Variants in DAPK2 observed in about 807,000 individuals in gnomAD.
The protein encoded by DAPK2 is death associated protein kinase 2, also known as death-associated protein kinase 2.
A neutral mutation model predicts 44.1 loss-of-function variants in DAPK2; 35 were observed. That is an observed-to-expected ratio of 0.79 (90% CI 0.61 to 1.05). The LOEUF (loss-of-function observed/expected upper bound fraction) is 1.05. Ranked by LOEUF, DAPK2 falls within the 50% of genes least tolerant of loss-of-function variation. The pLI is 0.00. For missense variants in DAPK2, 453 were observed against 483.2 expected, an observed-to-expected ratio of 0.94 and a Z score of 0.59; for synonymous variants, 174 against 182.6, an observed-to-expected ratio of 0.95 and a Z score of 0.38.
At chr15:64,028,529 A>G (rs2079918612) in intron 1 of DAPK2, among the ~76,000 whole-genome samples, 1 of 152,210 alleles carries the variant, frequency 6.6e-6, no homozygotes, top group Non-Finnish European at 1.5e-5. Context: ...AAGAACACTA[A>G]TAAGAAAATT....
intron 3 of DAPK2, among the ~76,000 whole-genome samples, chr15:63,964,519 A>G (rs1374733843): frequency 6.6e-6 from 1 of 151,986 alleles, no homozygotes; most frequent in Non-Finnish European, 1.5e-5. Flanking sequence ...AAGTTCTGTT[A>G]TTATCCCTTT....
chr15:63,991,585 GC>G (rs34891390), intron 1 of DAPK2, among the ~76,000 whole-genome samples: 56,608 of 151,670 alleles, frequency 0.37, 11,273 homozygotes, highest in Non-Finnish European at 0.45. Flanking sequence ...GGCATCCAGA[GC>G]CCACCCACTG....
intron 2 of DAPK2, among the ~76,000 whole-genome samples, chr15:63,981,705 T>A (rs1205881708): frequency 6.6e-6 from 1 of 152,000 alleles, no homozygotes; most frequent in African/African-American, 2.4e-5. Flanking sequence ...TGGCTCGGCC[T>A]TTCCAGAAAG....
At chr15:63,959,114 C>A (rs1172017778) in intron 3 of DAPK2, among the ~76,000 whole-genome samples, 4 of 152,166 alleles carry the variant, frequency 2.6e-5, no homozygotes, top group Non-Finnish European at 5.9e-5. Context: ...CTCTTTGAAG[C>A]AATTGTGAAT....
chr15:64,022,609 A>G (rs1234869520), intron 1 of DAPK2, among the ~76,000 whole-genome samples: 1 of 152,180 alleles, frequency 6.6e-6, no homozygotes, highest in Non-Finnish European at 1.5e-5. Flanking sequence ...CGAGCCCGGA[A>G]GGTTAAGACC....
intron 1 of DAPK2, among the ~76,000 whole-genome samples, chr15:64,000,652 G>A (rs915984070): frequency 2.0e-5 from 3 of 152,162 alleles, no homozygotes; most frequent in Non-Finnish European, 2.9e-5. Context: ...AATGGAAGAA[G>A]GCATGATGCT....
chr15:63,923,394 C>A lies in DAPK2; in HGVS notation c.858+1422G>T. On this transcript the variant is annotated intron_variant, in intron 8 of 10. Transcript: ENST00000261891. The surrounding 1 kb of genome is among the most constrained non-coding windows in gnomAD (Gnocchi z 4.2). ...CAGAGTGTTAATTTGCCGCCCACCCCAGAGGGCAGTCCAAAGGGTAGGCAG... is the reference window on the plus strand; with the variant it reads ...CAGAGTGTTAATTTGCCGCCCACCCAAGAGGGCAGTCCAAAGGGTAGGCAG... 6.6e-7 allele frequency: 1 copy of A among 1,510,022 alleles called. No individual in the cohort carries two copies. 93.5% of individuals were successfully genotyped at this position (1,510,022 alleles called of 1,614,324 possible).
At chr15:63,981,245 G>A (rs189737449) in intron 2 of DAPK2, among the ~76,000 whole-genome samples, 11 of 152,266 alleles carry the variant, frequency 7.2e-5, no homozygotes, top group East Asian at 3.9e-4. Flanking sequence ...CCCCCTCACC[G>A]TGTGATGCAC....
chr15:63,933,165 T>C (rs966219080), intron 4 of DAPK2, among the ~76,000 whole-genome samples: 27 of 152,234 alleles, frequency 1.8e-4, no homozygotes, highest in Admixed American at 1.6e-3. Context: ...ATTTGGACTA[T>C]GCATTTAGAG....
rs2078462468 is a variant in DAPK2, at chr15:63,980,161, C to T, written c.314+3372G>A. On this transcript the variant is annotated intron_variant, in intron 2 of 10. Transcript: ENST00000261891. The surrounding 1 kb of genome is among the most constrained non-coding windows in gnomAD (Gnocchi z 4.3). ...CAGAGGCCCAAGCAAGTCATGGGAGCACCAGCGTGACAACTGATGTTACAG... is the reference window on the plus strand; with the variant it reads ...CAGAGGCCCAAGCAAGTCATGGGAGTACCAGCGTGACAACTGATGTTACAG... Among the ~76,000 whole-genome samples, 1 of 152,166 alleles carries T rather than the reference C, an allele frequency of 6.6e-6. No homozygotes were observed. The highest frequency in any genetic ancestry group is 2.1e-4 in the South Asian group (1 of 4,828).
At chr15:63,913,438 T>A (rs1053971808) in intron 8 of DAPK2, among the ~76,000 whole-genome samples, 1 of 152,228 alleles carries the variant, frequency 6.6e-6, no homozygotes, top group African/African-American at 2.4e-5. Flanking sequence ...TTTTATCGAT[T>A]CTCAAAGGCC....
At chr15:64,019,484 G>T (rs2079623646) in intron 1 of DAPK2, among the ~76,000 whole-genome samples, 1 of 152,194 alleles carries the variant, frequency 6.6e-6, no homozygotes, top group Non-Finnish European at 1.5e-5. Context: ...GATTCTGAAA[G>T]TTCCTTCAGA....
chr15:64,009,787 A>C (rs2079337504), intron 1 of DAPK2, among the ~76,000 whole-genome samples: 1 of 152,082 alleles, frequency 6.6e-6, no homozygotes, highest in African/African-American at 2.4e-5. Context: ...TTAATCTGTT[A>C]AGGGCAGGGC....
intron 1 of DAPK2, among the ~76,000 whole-genome samples, chr15:64,016,059 A>G: frequency 6.6e-6 from 1 of 152,198 alleles, no homozygotes; most frequent in East Asian, 1.9e-4. Flanking sequence ...GAGAGGACAA[A>G]GCAGCCTCTG....
At chr15:63,936,471 C>A (rs574396662) in intron 4 of DAPK2, among the ~76,000 whole-genome samples, 1 of 152,052 alleles carries the variant, frequency 6.6e-6, no homozygotes. Context: ...ATTAGCCAGA[C>A]GTGGTGGTGG....
In DAPK2 at chr15:63,972,118, G is replaced by A. The variant is rs993388286; in HGVS notation, c.315-557C>T. Among the ~76,000 whole-genome samples, 54 of 152,212 alleles carry A rather than the reference G, an allele frequency of 3.5e-4. 1 individual carries two copies. The highest frequency in any genetic ancestry group is 1.2e-3 in the African/African-American group (48 of 41,444). On this transcript the variant is annotated intron_variant, in intron 2 of 10. Transcript: ENST00000261891. The stretch of plus-strand genomic sequence containing the variant: ...TCAAAAGACAGCCATCTATGAGGAA[G>A]TGAACCTTCATCTTGATCTTAGACT...
chr15:64,004,448 C>T (rs769734850), intron 1 of DAPK2, among the ~76,000 whole-genome samples: 1 of 152,188 alleles, frequency 6.6e-6, no homozygotes, highest in Non-Finnish European at 1.5e-5. Context: ...GGGACCCTCA[C>T]TTTTTAAAAA....
rs1050884876 is a variant in DAPK2, at chr15:63,914,480, G to C, written c.859-2283C>G. Among the ~76,000 whole-genome samples the C allele has an allele frequency of 3.9e-5, 6 of 152,170 alleles. No individual in the cohort carries two copies. The East Asian group carries it at 1.2e-3, about 29-fold the overall frequency. ...TCTTTAACTGTCTGTCACCCACTCT[G>C]TGCACCTGCAAGCCCAGCCCTGGGT... is the stretch of plus-strand genomic sequence containing the variant. On this transcript the variant is annotated intron_variant, in intron 8 of 10. Coordinates refer to ENST00000261891, the Ensembl canonical transcript of DAPK2.
In DAPK2 at chr15:63,923,039, A is replaced by G. The variant is rs1205811227; in HGVS notation, c.858+1777T>C. 9 of 1,535,570 alleles carry G rather than the reference A, an allele frequency of 5.9e-6. No homozygotes were observed. The East Asian group carries it at 2.2e-4, about 38-fold the overall frequency. On this transcript the variant is annotated intron_variant, in intron 8 of 10. Coordinates refer to ENST00000261891, the Ensembl canonical transcript of DAPK2. This position sits in a 1 kb window ranked among gnomAD's most constrained non-coding sequence, Gnocchi z 4.2. ...CTCCACCTTGCGGAACTCATACCTG[A>G]GCTGGGACAGGTCATGCCGGGCGCT...
Sources: allele counts gnomAD v4.1 joint callset (sites outside exome capture counted in the v4.1 genomes callset), GRCh38; gene constraint gnomAD v4.1.1; non-coding constraint Gnocchi (gnomAD v3.1); transcripts MANE v1.5; gene names NCBI Gene and HGNC (gene_info 2026-07-23, HGNC 2026-07-21).